PTP4A1: variants seen among roughly 807,000 people sequenced by gnomAD.
PTP4A1 encodes the protein protein tyrosine phosphatase 4A1.
PTP4A1 carries 9 observed loss-of-function variants against 20.5 expected under a neutral mutation model. The observed-to-expected ratio is 0.44, with a 90% confidence interval of 0.26 to 0.77. PTP4A1 has a LOEUF of 0.77. Ranked by LOEUF, PTP4A1 falls within the 30% of genes least tolerant of loss-of-function variation. PTP4A1 has a pLI of 0.19. For synonymous variants in PTP4A1, 78 were observed against 67.4 expected (o/e 1.16, Z -0.77); for missense variants, 137 against 218.8 (o/e 0.63, Z 2.36).
At chr6:63,558,803 G>T (rs1776801963) in intron 3 of PTP4A1, among the ~76,000 whole-genome samples, 1 of 152,308 alleles carries the variant, frequency 6.6e-6, no homozygotes, top group African/African-American at 2.4e-5. Flanking sequence ...GGGCAGGGAG[G>T]CAGAGGAAGA....
upstream of PTP4A1, among the ~76,000 whole-genome samples, chr6:63,567,877 C>T (rs1777256585): frequency 6.6e-6 from 1 of 152,254 alleles, no homozygotes; most frequent in Non-Finnish European, 1.5e-5. Context: ...TCAGCACTTA[C>T]TGCTTCACCT....
At chr6:63,569,228 A>C (rs1777313506), upstream of PTP4A1, among the ~76,000 whole-genome samples, 1 of 152,146 alleles carries the variant, frequency 6.6e-6, no homozygotes, top group African/African-American at 2.4e-5. Context: ...TGCCTTCTGC[A>C]GTCTTTCCTC....
At chr6:63,562,263 G>C (rs1461345582) in intron 3 of PTP4A1, among the ~76,000 whole-genome samples, 1 of 148,396 alleles carries the variant, frequency 6.7e-6, no homozygotes, top group Non-Finnish European at 1.5e-5. Context: ...GCAATGGTGC[G>C]GTCTCAGCTC....
intron 2 of PTP4A1, among the ~76,000 whole-genome samples, chr6:63,529,081 C>G (rs935105646): frequency 6.9e-6 from 1 of 144,062 alleles, no homozygotes; most frequent in African/African-American, 2.7e-5. Context: ...AAGAGCGAAA[C>G]TCCATCTCAA....
intron 2 of PTP4A1, among the ~76,000 whole-genome samples, chr6:63,545,313 C>T (rs1434222096): frequency 2.6e-5 from 4 of 152,054 alleles, no homozygotes; most frequent in Non-Finnish European, 5.9e-5. Flanking sequence ...AATCTCTGGG[C>T]GTGGAAATTT....
chr6:63,525,703 T>C (rs1163178865), intron 1 of PTP4A1, among the ~76,000 whole-genome samples: 2 of 152,020 alleles, frequency 1.3e-5, no homozygotes, highest in African/African-American at 4.8e-5. Context: ...CTTTCACCTT[T>C]CCCCCCAGGC....
chr6:63,536,244 C>T (rs1478575561), intron 2 of PTP4A1, among the ~76,000 whole-genome samples: 2 of 152,098 alleles, frequency 1.3e-5, no homozygotes, highest in African/African-American at 4.8e-5. Context: ...GCAGGAGAAT[C>T]GCTCGAACCT....
upstream of PTP4A1, chr6:63,572,472 G>A (rs1777501186): frequency 5.2e-6 from 2 of 386,810 alleles, no homozygotes; most frequent in Non-Finnish European, 9.2e-6. Context: ...GGCTTGTGAC[G>A]CAAGGGCGCC....
rs562403656 is a variant in PTP4A1 at position 63,566,618 on chromosome 6, A to G, written c.-445-9818A>G. On this transcript the variant is annotated intron_variant, in intron 3 of 3. Transcript: ENST00000639568. The stretch of plus-strand genomic sequence containing the variant: ...AATGCTAACAGTCATCTGAGCCTTC[A>G]GCAAGTCATAATCTTTGCTGTTGGA... Among the ~76,000 whole-genome samples the G allele has an allele frequency of 3.3e-5, 5 of 152,344 alleles. No homozygotes were observed. The East Asian group carries it at 9.6e-4, about 29-fold the overall frequency.
At chr6:63,540,797 C>A (rs11756680) in intron 2 of PTP4A1, among the ~76,000 whole-genome samples, 13,106 of 150,898 alleles carry the variant, frequency 0.087, 604 homozygotes, top group East Asian at 0.16. Context: ...AGGACCCCGT[C>A]TCTACTAGGA....
At chr6:63,539,489 A>G (rs1775861982) in intron 2 of PTP4A1, among the ~76,000 whole-genome samples, 1 of 152,144 alleles carries the variant, frequency 6.6e-6, no homozygotes, top group African/African-American at 2.4e-5. Context: ...GAAAATAGGC[A>G]AAGGATGGCC....
chr6:63,572,531 C>A lies in PTP4A1; in HGVS notation c.-634C>A. 1 of 392,334 alleles carries A rather than the reference C, an allele frequency of 2.5e-6. No individual in the cohort carries two copies. The highest frequency in any genetic ancestry group is 4.5e-6 in the Non-Finnish European group (1 of 222,120). 24.3% of individuals were successfully genotyped at this position (392,334 alleles called of 1,614,324 possible). ...GGCTGCGGGCCGGCTCGGCTACGCG[C>A]TCTGCTCCGAGCCGCTCACTGCATG... On this transcript the variant is annotated 5_prime_UTR_variant, in exon 1 of 6. Coordinates refer to ENST00000626021, the MANE Select transcript of PTP4A1 (RefSeq NM_003463.5).
At chr6:63,549,147 T>C in intron 2 of PTP4A1, 1 of 686,196 alleles carries the variant, frequency 1.5e-6, no homozygotes, top group Non-Finnish European at 2.6e-6. Flanking sequence ...GCCAGCAGCT[T>C]TCTTTTTGGC....
upstream of PTP4A1, chr6:63,572,456 G>A (rs2149506414): frequency 2.6e-6 from 1 of 383,506 alleles, no homozygotes; most frequent in Non-Finnish European, 4.6e-6. Context: ...CGGCTATAAA[G>A]GGGAGGGCTT....
chr6:63,533,781 T>A (rs191455188), intron 2 of PTP4A1, among the ~76,000 whole-genome samples: 3 of 152,042 alleles, frequency 2.0e-5, no homozygotes, highest in African/African-American at 7.2e-5. Context: ...ATACTTAGGA[T>A]TTTTTTTAAA....
intron 3 of PTP4A1, among the ~76,000 whole-genome samples, chr6:63,563,719 G>T (rs926697316): frequency 2.0e-5 from 3 of 152,180 alleles, no homozygotes; most frequent in African/African-American, 7.2e-5. Flanking sequence ...AGGAGGGAAG[G>T]TTGACAGCCA....
chr6:63,536,618 T>G (rs1216619914), intron 2 of PTP4A1, among the ~76,000 whole-genome samples: 1 of 152,188 alleles, frequency 6.6e-6, no homozygotes, highest in African/African-American at 2.4e-5. Flanking sequence ...TTTATAATAT[T>G]TTTCTACTGT....
chr6:63,571,321 C>A (rs749803860), upstream of PTP4A1: 1 of 152,178 alleles, frequency 6.6e-6, no homozygotes, highest in Admixed American at 6.5e-5. Context: ...CAATCTCATA[C>A]TCGGTGAAAA....
chr6:63,528,816 A>G (rs1023543480), intron 2 of PTP4A1, among the ~76,000 whole-genome samples: 12 of 151,924 alleles, frequency 7.9e-5, no homozygotes, highest in Non-Finnish European at 1.8e-4. Context: ...CAGAGTATTT[A>G]TACTATAGAA....
Sources: allele counts gnomAD v4.1 joint callset (sites outside exome capture counted in the v4.1 genomes callset), GRCh38; gene constraint gnomAD v4.1.1; transcripts MANE v1.5; gene names NCBI Gene and HGNC (gene_info 2026-07-23, HGNC 2026-07-21).